The following RANBP2 variants were observed in gnomAD, a reference collection of about 807,000 sequenced individuals.
RANBP2 encodes the protein E3 SUMO-protein ligase RanBP2.
In RANBP2, 57 loss-of-function variants were observed where a neutral mutation model predicts 303.6. The observed-to-expected ratio is 0.19, with a 90% CI of 0.15 to 0.23. The LOEUF is 0.23. RANBP2 is among the 10% of genes least tolerant of loss of function. The pLI is 1.00. For missense variants in RANBP2, 3,138 were observed against 3,780.8 expected, an observed-to-expected ratio of 0.83 and a Z score of 4.46; for synonymous variants, 1,167 against 1,301.5, an observed-to-expected ratio of 0.90 and a Z score of 2.23.
At chr2:108,828,675 T>C in the RANBP2 span, among the ~76,000 whole-genome samples, 2 of 152,184 alleles carry the variant, frequency 1.3e-5, no homozygotes, top group African/African-American at 2.4e-5. Context: ...CCTTACCTTA[T>C]ACGATATGTA....
At chr2:109,147,895 G>A in the RANBP2 span, among the ~76,000 whole-genome samples, 7 of 152,266 alleles carry the variant, frequency 4.6e-5, no homozygotes, top group East Asian at 1.9e-4. Flanking sequence ...TAAACTCTGC[G>A]TTTATAGTTA....
the RANBP2 span, among the ~76,000 whole-genome samples, chr2:108,913,323 G>T: frequency 6.6e-6 from 1 of 152,126 alleles, no homozygotes; most frequent in Non-Finnish European, 1.5e-5. Context: ...GGGGAGTTTT[G>T]CAAGCCTCAC....
the RANBP2 span, among the ~76,000 whole-genome samples, chr2:109,262,485 ACT>A: frequency 6.6e-6 from 1 of 151,926 alleles, no homozygotes; most frequent in Admixed American, 6.5e-5. Context: ...CGGAGGCCCC[ACT>A]CTCTGCAGCC....
At chr2:109,385,818 A>G in the RANBP2 span, among the ~76,000 whole-genome samples, 1 of 152,258 alleles carries the variant, frequency 6.6e-6, no homozygotes, top group Non-Finnish European at 1.5e-5. Context: ...AGAAACAAAA[A>G]AAATAAACCC....
the RANBP2 span, among the ~76,000 whole-genome samples, chr2:109,493,883 A>ACCTTCTCTTT: frequency 2.0e-5 from 3 of 151,920 alleles, no homozygotes; most frequent in Admixed American, 2.0e-4. Flanking sequence ...ACACACACCC[A>ACCTTCTCTTT]CCTTCTCTTT....
chr2:109,311,555 C>A, the RANBP2 span, among the ~76,000 whole-genome samples: 1 of 152,024 alleles, frequency 6.6e-6, no homozygotes, highest in East Asian at 1.9e-4. Context: ...GTCAAATTGT[C>A]CCTGTTTGCA....
the RANBP2 span, among the ~76,000 whole-genome samples, chr2:109,635,408 C>T: frequency 6.6e-6 from 1 of 152,212 alleles, no homozygotes; most frequent in Non-Finnish European, 1.5e-5. Flanking sequence ...GCCTCGAACT[C>T]CTGACCTCAG....
the RANBP2 span, among the ~76,000 whole-genome samples, chr2:109,136,970 T>A: frequency 6.6e-6 from 1 of 152,244 alleles, no homozygotes; most frequent in Non-Finnish European, 1.5e-5. Context: ...TTTCTCTCTC[T>A]GGCTTCACTG....
chr2:109,039,647 C>G, the RANBP2 span, among the ~76,000 whole-genome samples: 2 of 152,282 alleles, frequency 1.3e-5, no homozygotes, highest in Admixed American at 1.3e-4. Context: ...CTGTGCCCGG[C>G]CTTCAGATGT....
chr2:109,732,124 T>C, the RANBP2 span, among the ~76,000 whole-genome samples: 1 of 152,170 alleles, frequency 6.6e-6, no homozygotes, highest in South Asian at 2.1e-4. Context: ...TCCCAAAGTG[T>C]TGGGATTATA....
chr2:109,522,196 A>C, the RANBP2 span, among the ~76,000 whole-genome samples: 1 of 151,844 alleles, frequency 6.6e-6, no homozygotes, highest in Non-Finnish European at 1.5e-5. Context: ...TTCTCCGGTG[A>C]TCTGTGTCAA....
intron 7 of RANBP2, among the ~76,000 whole-genome samples, chr2:108,745,156 A>C (rs113859569): frequency 6.6e-6 from 1 of 150,386 alleles, no homozygotes; most frequent in African/African-American, 2.5e-5. Context: ...TAATTTAGCA[A>C]TGATTAACTT....
the RANBP2 span, among the ~76,000 whole-genome samples, chr2:109,104,683 C>G: frequency 6.6e-6 from 1 of 152,078 alleles, no homozygotes; most frequent in Non-Finnish European, 1.5e-5. Flanking sequence ...GGGGGTTTCA[C>G]CTTGTTAGCC....
At chr2:109,388,331 A>T in the RANBP2 span, among the ~76,000 whole-genome samples, 10 of 152,182 alleles carry the variant, frequency 6.6e-5, no homozygotes, top group Non-Finnish European at 1.3e-4. Flanking sequence ...CTTTGTGAAC[A>T]TGGAACACAT....
At chr2:109,557,566 G>A in the RANBP2 span, among the ~76,000 whole-genome samples, 22 of 152,232 alleles carry the variant, frequency 1.4e-4, no homozygotes, top group Non-Finnish European at 2.4e-4. Flanking sequence ...TGTCTCAGCA[G>A]GAGAAAGTAA....
the RANBP2 span, among the ~76,000 whole-genome samples, chr2:108,898,771 A>G: frequency 6.6e-6 from 1 of 152,258 alleles, no homozygotes; most frequent in Admixed American, 6.5e-5. Flanking sequence ...TATTAGAACT[A>G]CAAAAGTACA....
At chr2:109,317,837 G>C in the RANBP2 span, among the ~76,000 whole-genome samples, 1 of 152,112 alleles carries the variant, frequency 6.6e-6, no homozygotes, top group African/African-American at 2.4e-5. Flanking sequence ...CATCCGTCTT[G>C]GGTCAGGTTT....
chr2:108,995,384 T>A, the RANBP2 span, among the ~76,000 whole-genome samples: 3 of 152,186 alleles, frequency 2.0e-5, no homozygotes, highest in South Asian at 4.1e-4. Flanking sequence ...AGAGGAACGA[T>A]TGATTTACAA....
chr2:108,941,693 G>C, the RANBP2 span, among the ~76,000 whole-genome samples: 2 of 152,202 alleles, frequency 1.3e-5, no homozygotes, highest in African/African-American at 4.8e-5. Flanking sequence ...ACAACAACCT[G>C]ACTGCCATTA....
Sources: allele counts gnomAD v4.1 joint callset (sites outside exome capture counted in the v4.1 genomes callset), GRCh38; gene constraint gnomAD v4.1.1; transcripts MANE v1.5; gene names NCBI Gene and HGNC (gene_info 2026-07-23, HGNC 2026-07-21).